CALN1: variants seen among roughly 807,000 people sequenced by gnomAD.
CALN1 encodes calcium-binding protein 8.
A neutral mutation model predicts 30.6 loss-of-function variants in CALN1; 17 were observed. The ratio of observed to expected loss-of-function variants is 0.56; its 90% CI spans 0.38 to 0.83. The LOEUF is 0.83. CALN1 is among the 40% of genes least tolerant of loss of function. CALN1 has a pLI of 0.00. For missense variants in CALN1, 291 were observed against 354.9 expected (o/e 0.82, Z 1.45); for synonymous variants, 156 against 131.4 (o/e 1.19, Z -1.28).
chr7:71,931,929 G>T (rs1795576178), intron 5 of CALN1, among the ~76,000 whole-genome samples: 1 of 152,176 alleles, frequency 6.6e-6, no homozygotes, highest in Admixed American at 6.5e-5. Flanking sequence ...ATTTGGAAGT[G>T]AGACACATGA....
At chr7:72,304,941 G>A (rs1051774248) in intron 2 of CALN1, among the ~76,000 whole-genome samples, 1 of 152,152 alleles carries the variant, frequency 6.6e-6, no homozygotes, top group Non-Finnish European at 1.5e-5. Flanking sequence ...ACAAATGAAA[G>A]AGCCTGGCTG....
chr7:72,267,595 G>T (rs751216071), intron 3 of CALN1, among the ~76,000 whole-genome samples: 51 of 152,232 alleles, frequency 3.4e-4, no homozygotes, highest in Non-Finnish European at 2.9e-4. Flanking sequence ...AAAGTGAATG[G>T]CATGGGCTGT....
In CALN1 at chr7:72,066,990, T is replaced by C. The variant is rs575368185; in HGVS notation, c.388+39161A>G. On this transcript the variant is annotated intron_variant, in intron 4 of 6. Coordinates refer to ENST00000395275, the MANE Select transcript of CALN1 (RefSeq NM_031468.4). ...TTTTAGTAGAGATGGGGTTTTACCA[T>C]GTTGCCCAGGGTGGTTTTGAACTCC... Among the ~76,000 whole-genome samples, 103 of 151,608 alleles carry C rather than the reference T, an allele frequency of 6.8e-4. 1 individual carries two copies. Among genetic ancestry groups the C allele is most frequent in the African/African-American group, 2.4e-3 (101 of 41,298 alleles).
At chr7:72,377,741 T>A (rs557754720) in intron 2 of CALN1, among the ~76,000 whole-genome samples, 53 of 152,222 alleles carry the variant, frequency 3.5e-4, no homozygotes, top group African/African-American at 1.2e-3. Flanking sequence ...AACCCCAAAT[T>A]TCCCAGTCTT....
chr7:71,858,982 T>C (rs936702614), intron 5 of CALN1, among the ~76,000 whole-genome samples: 2 of 152,176 alleles, frequency 1.3e-5, no homozygotes, highest in Admixed American at 1.3e-4. Context: ...AGTTCACAGA[T>C]GTAAACTGAA....
chr7:72,433,694 A>G (rs1406303271), intron 1 of CALN1, among the ~76,000 whole-genome samples: 1 of 152,154 alleles, frequency 6.6e-6, no homozygotes, highest in Non-Finnish European at 1.5e-5. Flanking sequence ...CAGGGTAGCA[A>G]GAAGGACCCA....
chr7:72,083,180 AACAG>A (rs760003125), intron 4 of CALN1, among the ~76,000 whole-genome samples: 4 of 151,424 alleles, frequency 2.6e-5, no homozygotes, highest in Non-Finnish European at 4.4e-5. Flanking sequence ...CAGCCTGAGA[AACAG>A]ACAGAGACTC....
intron 5 of CALN1, among the ~76,000 whole-genome samples, chr7:71,827,329 A>G (rs886750206): frequency 6.6e-6 from 1 of 152,168 alleles, no homozygotes; most frequent in African/African-American, 2.4e-5. Flanking sequence ...GAGAGGCTAG[A>G]TGCAGGGAGA....
intron 6 of CALN1, among the ~76,000 whole-genome samples, chr7:71,801,767 A>G (rs1232469567): frequency 1.3e-5 from 2 of 152,106 alleles, no homozygotes; most frequent in East Asian, 3.9e-4. Context: ...ACCTGAGGTC[A>G]GGAGTTCGAG....
At chr7:72,180,630 C>T (rs1789708891) in intron 3 of CALN1, among the ~76,000 whole-genome samples, 1 of 116,308 alleles carries the variant, frequency 8.6e-6, no homozygotes, top group Non-Finnish European at 1.7e-5. Context: ...TTTTTAGAGA[C>T]AGGATCTCAC....
chr7:72,483,284 T>TC, the CALN1 span, among the ~76,000 whole-genome samples: 4 of 73,774 alleles, frequency 5.4e-5, no homozygotes, highest in Non-Finnish European at 1.1e-4. Flanking sequence ...CTTTTTCTTT[T>TC]TTTTTTTTTT....
intron 5 of CALN1, among the ~76,000 whole-genome samples, chr7:71,831,206 C>G (rs527982514): frequency 2.0e-5 from 3 of 152,214 alleles, no homozygotes; most frequent in African/African-American, 7.2e-5. Flanking sequence ...TAGGGCCAGG[C>G]GCGGTGGCTC....
intron 3 of CALN1, among the ~76,000 whole-genome samples, chr7:72,220,246 G>T (rs1793182370): frequency 7.4e-6 from 1 of 134,260 alleles, no homozygotes; most frequent in Non-Finnish European, 1.5e-5. Context: ...CTGTGTCCAT[G>T]TGTTCTCATT....
Position 72,431,467 on chromosome 7 carries a change from C to T in CALN1, c.-226+15575G>A, listed in dbSNP as rs964878737. ...GCACAACTTAACACTGCAGCAGCCT[C>T]TATTGCCACTCCGTGGAATCACTTG... is the stretch of plus-strand genomic sequence containing the variant. On this transcript the variant is annotated intron_variant, in intron 1 of 6. Coordinates refer to the CALN1 transcript ENST00000395276. 2.0e-5 allele frequency among the ~76,000 whole-genome samples: 3 copies of T among 152,150 alleles called. No homozygotes were observed. In the East Asian group the frequency reaches 5.8e-4, roughly 29 times the overall value.
rs181016348 is a variant in CALN1 at position 72,083,093 on chromosome 7, C to T, written c.388+23058G>A. On this transcript the variant is annotated intron_variant, in intron 4 of 6. Coordinates refer to ENST00000395275, the MANE Select transcript of CALN1 (RefSeq NM_031468.4). ...GCGGGCGCCTGTAATCCCAGCTACT[C>T]GGGAGACTGAGGTGGGAGAATCGCT... Among the ~76,000 whole-genome samples, 139 of 151,860 alleles carry T rather than the reference C, an allele frequency of 9.2e-4. 1 individual carries two copies. The highest frequency in any genetic ancestry group is 6.8e-3 in the Middle Eastern group (2 of 294).
chr7:72,398,327 A>T (rs1470141358), intron 2 of CALN1, among the ~76,000 whole-genome samples: 2 of 152,218 alleles, frequency 1.3e-5, no homozygotes, highest in Non-Finnish European at 2.9e-5. Context: ...TAGAGAGAAA[A>T]GTTCCCTTTG....
chr7:72,298,753 C>T (rs1229866735), intron 2 of CALN1, among the ~76,000 whole-genome samples: 1 of 150,584 alleles, frequency 6.6e-6, no homozygotes, highest in African/African-American at 2.4e-5. Flanking sequence ...GCGGGTCTTT[C>T]CTGCACTGTT....
At chr7:72,388,556 T>C (rs767595864) in intron 2 of CALN1, among the ~76,000 whole-genome samples, 2 of 152,182 alleles carry the variant, frequency 1.3e-5, no homozygotes, top group Non-Finnish European at 2.9e-5. Flanking sequence ...CGATACTGCG[T>C]GTTGGGGATA....
chr7:72,406,492 T>C (rs375905991), intron 1 of CALN1, among the ~76,000 whole-genome samples: 1 of 152,298 alleles, frequency 6.6e-6, no homozygotes, highest in East Asian at 1.9e-4. Context: ...CTAAAGTCCA[T>C]TTGCTAATTG....
Sources: allele counts gnomAD v4.1 joint callset (sites outside exome capture counted in the v4.1 genomes callset), GRCh38; gene constraint gnomAD v4.1.1; transcripts MANE v1.5; gene names NCBI Gene and HGNC (gene_info 2026-07-23, HGNC 2026-07-21).